NBAS: variants seen among roughly 807,000 people sequenced by gnomAD.
NBAS encodes NAG/BC035112 fusion.
A neutral mutation model predicts 302.5 loss-of-function variants in NBAS; 219 were observed. The observed-to-expected ratio is 0.72, with a 90% CI of 0.65 to 0.81. The LOEUF is 0.81. Ranked by LOEUF, NBAS falls within the 30% of genes least tolerant of loss-of-function variation. NBAS has a pLI of 0.00. For synonymous variants in NBAS, 1,118 were observed against 1,021.6 expected (o/e 1.09, Z -1.80); for missense variants, 2,932 against 2,841.6 (o/e 1.03, Z -0.72).
At chr2:15,043,412 C>A in the NBAS span, among the ~76,000 whole-genome samples, 1 of 152,166 alleles carries the variant, frequency 6.6e-6, no homozygotes, top group Non-Finnish European at 1.5e-5. Context: ...AAATTTCTAA[C>A]AGTCAGGTTT....
the NBAS span, among the ~76,000 whole-genome samples, chr2:14,947,279 G>A: frequency 1.3e-5 from 2 of 151,622 alleles, no homozygotes; most frequent in African/African-American, 2.4e-5. Flanking sequence ...AACTACACTA[G>A]CCAAGAAAAA....
rs907372210 is a variant in NBAS, at chr2:15,309,347, T to C, written c.4583-100A>G. ...AGCCCCATAAGATTTCAACAAATAA[T>C]TAGTGGCAGAGACCTTTTAGGAAAG... On this transcript the variant is annotated intron_variant, in intron 38 of 51. Transcript: ENST00000281513. The C allele has an allele frequency of 8.1e-6, 8 of 984,286 alleles. No individual in the cohort carries two copies. In the Admixed American group the frequency reaches 8.3e-5, roughly 10 times the overall value. 61.0% of individuals were successfully genotyped at this position (984,286 alleles called of 1,614,324 possible).
chr2:15,311,952 C>T (rs2148171007), intron 38 of NBAS, among the ~76,000 whole-genome samples: 1 of 152,214 alleles, frequency 6.6e-6, no homozygotes, highest in Admixed American at 6.5e-5. Context: ...GCACCCATTA[C>T]CTTGACACTC....
At chr2:14,821,318 T>C in the NBAS span, among the ~76,000 whole-genome samples, 1 of 152,152 alleles carries the variant, frequency 6.6e-6, no homozygotes, top group Non-Finnish European at 1.5e-5. Context: ...AGGGGCCTAG[T>C]TATGTTTACA....
At chr2:15,416,789 G>A (rs908905569) in intron 24 of NBAS, among the ~76,000 whole-genome samples, 2 of 145,222 alleles carry the variant, frequency 1.4e-5, no homozygotes, top group Admixed American at 1.4e-4. Flanking sequence ...CTGGGCCACA[G>A]AGTGAGACTC....
the NBAS span, among the ~76,000 whole-genome samples, chr2:14,924,758 C>G: frequency 1.3e-5 from 2 of 152,140 alleles, no homozygotes; most frequent in Non-Finnish European, 2.9e-5. Flanking sequence ...GAAGACCTCA[C>G]TTCATTTTTC....
the NBAS span, among the ~76,000 whole-genome samples, chr2:15,115,641 C>T: frequency 1.3e-5 from 2 of 152,124 alleles, no homozygotes; most frequent in Non-Finnish European, 2.9e-5. Flanking sequence ...GCTAGGACTA[C>T]AGGTCCTACA....
intron 21 of NBAS, among the ~76,000 whole-genome samples, chr2:15,458,478 A>G (rs538835613): frequency 1.3e-5 from 2 of 152,262 alleles, no homozygotes; most frequent in Admixed American, 1.3e-4. Context: ...TCACTCAGTT[A>G]GTTCCAGTTG....
chr2:15,421,391 G>A (rs1226972204), intron 23 of NBAS, among the ~76,000 whole-genome samples: 1 of 152,134 alleles, frequency 6.6e-6, no homozygotes, highest in Non-Finnish European at 1.5e-5. Flanking sequence ...CTGCAAGTAG[G>A]CTCTAATGCA....
the NBAS span, among the ~76,000 whole-genome samples, chr2:15,153,347 G>A: frequency 1.3e-5 from 2 of 152,180 alleles, no homozygotes; most frequent in Admixed American, 1.3e-4. Context: ...TTTTGAATGT[G>A]GTGCTATCCC....
the NBAS span, among the ~76,000 whole-genome samples, chr2:14,817,310 CT>C: frequency 6.6e-6 from 1 of 152,166 alleles, no homozygotes; most frequent in East Asian, 1.9e-4. Context: ...CCTAGGTTCC[CT>C]TTGAGATCCA....
the NBAS span, among the ~76,000 whole-genome samples, chr2:14,960,916 A>G: frequency 1.3e-5 from 2 of 152,168 alleles, no homozygotes; most frequent in African/African-American, 4.8e-5. Flanking sequence ...TTGAGGTAGA[A>G]GGAAGTTACC....
the NBAS span, among the ~76,000 whole-genome samples, chr2:14,805,603 A>T: frequency 2.6e-5 from 4 of 152,204 alleles, no homozygotes; most frequent in Non-Finnish European, 5.9e-5. Flanking sequence ...AGACAAGAAG[A>T]GGAGTAAGTA....
At chr2:15,550,777 G>T (rs1173773382) in intron 6 of NBAS, among the ~76,000 whole-genome samples, 2 of 151,804 alleles carry the variant, frequency 1.3e-5, no homozygotes, top group Non-Finnish European at 2.9e-5. Flanking sequence ...AGTAGAGACG[G>T]GGTTTCACCA....
At chr2:15,017,521 A>G in the NBAS span, among the ~76,000 whole-genome samples, 1 of 151,844 alleles carries the variant, frequency 6.6e-6, no homozygotes, top group African/African-American at 2.4e-5. Flanking sequence ...TGTTGCTCAA[A>G]AAAAAAGACA....
chr2:15,420,425 T>C (rs1446374822), intron 23 of NBAS, among the ~76,000 whole-genome samples: 1 of 152,166 alleles, frequency 6.6e-6, no homozygotes, highest in African/African-American at 2.4e-5. Context: ...AGAGTGGCTA[T>C]TTCTGAGCTG....
chr2:14,865,211 A>T, the NBAS span, among the ~76,000 whole-genome samples: 1 of 152,094 alleles, frequency 6.6e-6, no homozygotes, highest in African/African-American at 2.4e-5. Context: ...GTGGGGGGGA[A>T]TAATAACTCT....
At chr2:15,327,612 C>A (rs915818725) in intron 38 of NBAS, 138 bp downstream of exon 38, 3 of 1,011,346 alleles carry the variant, frequency 3.0e-6, no homozygotes, top group African/African-American at 1.6e-5. Context: ...GATGAATGAA[C>A]GAATGATGAT....
chr2:15,090,115 T>G, the NBAS span, among the ~76,000 whole-genome samples: 1 of 152,316 alleles, frequency 6.6e-6, no homozygotes, highest in South Asian at 2.1e-4. Context: ...TCCCAAAAGA[T>G]GTCAGCTCAG....
Sources: gnomAD v4.1 joint callset for allele counts (sites outside exome capture counted in the v4.1 genomes callset) on GRCh38, gnomAD v4.1.1 for gene constraint, MANE v1.5 for transcripts, NCBI Gene and HGNC (gene_info 2026-07-23, HGNC 2026-07-21) for gene names.